RBM20: variants seen among roughly 807,000 people sequenced by gnomAD.
RBM20 encodes RNA binding motif protein 20, also known as RNA-binding protein 20.
RBM20 carries 51 observed loss-of-function variants against 110.1 expected under a neutral mutation model. The observed-to-expected ratio is 0.46, with a 90% CI of 0.37 to 0.59. The LOEUF (loss-of-function observed/expected upper bound fraction) is 0.59, where lower values mean the gene tolerates loss of function less well. Among genes scored for constraint, RBM20 ranks in the 20% least tolerant of loss-of-function variants. The pLI is 0.00. For missense variants in RBM20, 1,512 were observed against 1,574.9 expected (o/e 0.96, Z 0.68); for synonymous variants, 589 against 618.2 (o/e 0.95, Z 0.70).
intron 1 of RBM20, among the ~76,000 whole-genome samples, chr10:110,648,766 A>T (rs1056560870): frequency 1.3e-5 from 2 of 152,180 alleles, no homozygotes; most frequent in Non-Finnish European, 2.9e-5. Context: ...GCTTATCTAG[A>T]AAGCTTTCCA....
At position 110,800,022 on chromosome 10, in the gene RBM20, A is replaced by G. The variant is rs1488850153; in HGVS notation, c.1800+104A>G. The G allele has an allele frequency of 5.5e-6, 6 of 1,089,612 alleles. No individual in the cohort carries two copies. The African/African-American group carries it at 9.4e-5, about 17-fold the overall frequency. 67.5% of individuals were successfully genotyped at this position (1,089,612 alleles called of 1,614,324 possible). The stretch of plus-strand genomic sequence containing the variant: ...CGCTGGTGGAAAGGAGAGGATAGGA[A>G]AAGATTCAGAAATTACACACTGCCT... On this transcript the variant is annotated intron_variant, in intron 7 of 13. Coordinates refer to ENST00000369519, the MANE Select transcript of RBM20 (RefSeq NM_001134363.3).
At chr10:110,652,030 C>T (rs374958380) in intron 1 of RBM20, among the ~76,000 whole-genome samples, 1 of 152,128 alleles carries the variant, frequency 6.6e-6, no homozygotes, top group African/African-American at 2.4e-5. Flanking sequence ...TGAACATAAG[C>T]ATATTTATTT....
chr10:110,659,712 T>C (rs1003059180), intron 1 of RBM20, among the ~76,000 whole-genome samples: 1 of 151,890 alleles, frequency 6.6e-6, no homozygotes, highest in African/African-American at 2.4e-5. Context: ...ATTTCTGTTC[T>C]TTTTTTTCTT....
intron 7 of RBM20, among the ~76,000 whole-genome samples, chr10:110,805,681 G>T (rs1844685236): frequency 6.6e-6 from 1 of 152,206 alleles, no homozygotes; most frequent in Non-Finnish European, 1.5e-5. Flanking sequence ...TGCGGGCAGG[G>T]CTGGGGCTGC....
At chr10:110,814,275 A>G (rs541583093) in intron 9 of RBM20, among the ~76,000 whole-genome samples, 6 of 152,184 alleles carry the variant, frequency 3.9e-5, no homozygotes, top group Non-Finnish European at 8.8e-5. Flanking sequence ...GGTGAATAGG[A>G]CATAGTCCAT....
At chr10:110,685,598 G>C (rs954805926) in intron 1 of RBM20, among the ~76,000 whole-genome samples, 1 of 152,174 alleles carries the variant, frequency 6.6e-6, no homozygotes, top group Non-Finnish European at 1.5e-5. Flanking sequence ...TTGGGAGGGC[G>C]GGCAGGAAAA....
chr10:110,724,461 C>G (rs1843540611), intron 1 of RBM20, among the ~76,000 whole-genome samples: 1 of 152,180 alleles, frequency 6.6e-6, no homozygotes, highest in South Asian at 2.1e-4. Context: ...CCTGCTATTT[C>G]CTGAGAGTGC....
intron 1 of RBM20, among the ~76,000 whole-genome samples, chr10:110,714,268 G>A (rs1037449187): frequency 3.3e-5 from 5 of 152,180 alleles, no homozygotes; most frequent in Non-Finnish European, 5.9e-5. Context: ...AGCTAGAAAT[G>A]TAACCATATC....
At chr10:110,682,145 G>A (rs1357900088) in intron 1 of RBM20, among the ~76,000 whole-genome samples, 1 of 152,088 alleles carries the variant, frequency 6.6e-6, no homozygotes, top group Non-Finnish European at 1.5e-5. Context: ...ACCCGCCTCG[G>A]CCTCCCAAAG....
At chr10:110,661,118 T>G (rs1034465183) in intron 1 of RBM20, among the ~76,000 whole-genome samples, 2 of 152,218 alleles carry the variant, frequency 1.3e-5, no homozygotes, top group Admixed American at 6.5e-5. Context: ...CTAAGTGAAC[T>G]ATAGGTAAAA....
chr10:110,810,549 T>A, intron 8 of RBM20, 87 bp downstream of exon 8: 1 of 920,664 alleles, frequency 1.1e-6, no homozygotes, highest in Non-Finnish European at 1.7e-6. Context: ...ATTTGAGTCA[T>A]GCTGTGCCCT....
chr10:110,805,464 A>T (rs1241654658), intron 7 of RBM20, among the ~76,000 whole-genome samples: 1 of 152,158 alleles, frequency 6.6e-6, no homozygotes. Flanking sequence ...GAAGTGTGTA[A>T]AACAGGTGTG....
At chr10:110,813,349 G>A (rs1050488759) in intron 9 of RBM20, among the ~76,000 whole-genome samples, 1 of 152,188 alleles carries the variant, frequency 6.6e-6, no homozygotes, top group Non-Finnish European at 1.5e-5. Context: ...GTAGGGAGTG[G>A]CCTGAGGTGT....
In RBM20 at chr10:110,644,582, A is replaced by AGCCGCC. The variant is rs756342135; in HGVS notation, c.138_143dup (p.Pro47_Pro48dup). The AGCCGCC allele has an allele frequency of 2.0e-6, 3 of 1,523,758 alleles. No homozygotes were observed. The highest frequency in any genetic ancestry group is 2.6e-6 in the Non-Finnish European group (3 of 1,139,030). 94.4% of individuals were successfully genotyped at this position (1,523,758 alleles called of 1,614,324 possible). A position where few individuals can be genotyped will look rare whatever the true frequency, so the allele number is the denominator to read the frequency against. On this transcript the variant is annotated inframe_insertion, in exon 1 of 14. Coordinates refer to ENST00000369519, the MANE Select transcript of RBM20 (RefSeq NM_001134363.3). The surrounding 1 kb of genome is among the most constrained non-coding windows in gnomAD (Gnocchi z 4.3). ...CCCTCCGGCCCGCGAGGGATGCAGC[A>AGCCGCC]GCCGCCGCCGCCGCCCCAGCCACCG...
chr10:110,692,273 G>T (rs1166170325), intron 1 of RBM20, among the ~76,000 whole-genome samples: 1 of 152,098 alleles, frequency 6.6e-6, no homozygotes, highest in Admixed American at 6.5e-5. Context: ...GATTCCATGT[G>T]AAGTTTAGGA....
intron 1 of RBM20, among the ~76,000 whole-genome samples, chr10:110,709,562 C>CTT (rs10713170): frequency 2.1e-4 from 29 of 135,462 alleles, no homozygotes; most frequent in Non-Finnish European, 4.1e-4. Flanking sequence ...GTGATAATTT[C>CTT]TTTTTTTTTT....
At position 110,781,841 on chromosome 10, in the gene RBM20, C is replaced by T. The variant is rs552114741; in HGVS notation, c.1232C>T (p.Pro411Leu). ...CACGGTGTGGCCCCCCTCCACTTGC[C>T]GCATATCTGTAGCATCTGTGACAAG... ...DFHGVAPLHL[P>L]HICSICDKKV... The change falls in exon 2 of 14, where the codon CCG becomes CTG. Residue 411 changes from proline to leucine, a missense_variant. Physicochemically the swap from Pro to Leu is moderately conservative, Grantham distance 98. Around this residue, in one of 3 missense-constraint regions of RBM20, gnomAD observed 1,149 missense variants for 1,169.4 expected, o/e 0.98. Transcript: ENST00000369519. 20 of 1,551,750 alleles carry T rather than the reference C, an allele frequency of 1.3e-5. No individual in the cohort carries two copies. The highest frequency in any genetic ancestry group is 2.4e-5 in the East Asian group (1 of 40,924).
chr10:110,682,538 AG>A (rs1472169401), intron 1 of RBM20, among the ~76,000 whole-genome samples: 1 of 152,188 alleles, frequency 6.6e-6, no homozygotes, highest in Non-Finnish European at 1.5e-5. Flanking sequence ...AAACGGGCAA[AG>A]GTTCACATTT....
intron 1 of RBM20, among the ~76,000 whole-genome samples, chr10:110,702,979 G>GT (rs576648088): frequency 0.16 from 23,021 of 142,036 alleles, 1,931 homozygotes; most frequent in East Asian, 0.32. Flanking sequence ...TTTGGGGTGG[G>GT]TTTTTTTTCT....
Sources: allele counts gnomAD v4.1 joint callset (sites outside exome capture counted in the v4.1 genomes callset), GRCh38; gene constraint gnomAD v4.1.1; regional missense constraint gnomAD v4.1.1; non-coding constraint Gnocchi (gnomAD v3.1); transcripts MANE v1.5; gene names NCBI Gene and HGNC (gene_info 2026-07-23, HGNC 2026-07-21).